ABCC8: variants seen among roughly 807,000 people sequenced by gnomAD.
The protein encoded by ABCC8 is ATP binding cassette subfamily C member 8.
Under a neutral mutation model 188.0 loss-of-function variants are expected in ABCC8, and 137 were observed. That is an observed-to-expected ratio of 0.73 (90% CI 0.63 to 0.84). The LOEUF is 0.84. ABCC8 is among the 40% of genes least tolerant of loss of function. ABCC8 has a pLI of 0.00. For synonymous variants in ABCC8, 797 were observed against 846.5 expected, an observed-to-expected ratio of 0.94 and a Z score of 1.01; for missense variants, 1,750 against 2,072.7, an observed-to-expected ratio of 0.84 and a Z score of 3.02.
At chr11:17,476,603 C>A (rs941088701) in intron 1 of ABCC8, 26 bp downstream of exon 1, 4 of 1,608,212 alleles carry the variant, frequency 2.5e-6, no homozygotes, top group Non-Finnish European at 3.4e-6. Flanking sequence ...CCGTCCCCTC[C>A]TCCGCGGCTC....
At chr11:17,448,996 A>T (rs1375109819) in intron 7 of ABCC8, among the ~76,000 whole-genome samples, 3 of 152,066 alleles carry the variant, frequency 2.0e-5, no homozygotes, top group Non-Finnish European at 4.4e-5. Flanking sequence ...GCATGATCTC[A>T]GCTCACTGCA....
chr11:17,432,463 G>A (rs1955892722), intron 10 of ABCC8: 1 of 930,490 alleles, frequency 1.1e-6, no homozygotes, highest in South Asian at 1.9e-5. Context: ...CCGACTCTGG[G>A]GCTTAAACTG....
At chr11:17,442,359 T>C (rs1239812621) in intron 10 of ABCC8, among the ~76,000 whole-genome samples, 4 of 152,194 alleles carry the variant, frequency 2.6e-5, no homozygotes, top group Non-Finnish European at 4.4e-5. Flanking sequence ...TACTAAAAAG[T>C]CTTCATTCTT....
chr11:17,471,799 C>T (rs756365901), intron 2 of ABCC8, among the ~76,000 whole-genome samples: 6 of 152,314 alleles, frequency 3.9e-5, no homozygotes, highest in Non-Finnish European at 8.8e-5. Context: ...TCCCTGAAAA[C>T]ATCAATAAGC....
rs1848186510 is a variant in ABCC8, at chr11:17,466,912, T to G, written c.412+3189A>C. Among the ~76,000 whole-genome samples, 5 of 152,126 alleles carry G rather than the reference T, an allele frequency of 3.3e-5. No individual in the cohort carries two copies. In the South Asian group the frequency reaches 1.0e-3, roughly 32 times the overall value. On this transcript the variant is annotated intron_variant, in intron 3 of 38. Coordinates refer to ENST00000389817, the MANE Select transcript of ABCC8 (RefSeq NM_000352.6). The stretch of plus-strand genomic sequence containing the variant: ...AACTTCTGAGCTCAAGCAATTCACC[T>G]GCCTTGGCCTGCCAAGGTGCTGGGA...
chr11:17,411,925 G>T (rs371222885), intron 21 of ABCC8, among the ~76,000 whole-genome samples: 16 of 142,562 alleles, frequency 1.1e-4, no homozygotes, highest in African/African-American at 4.3e-4. Context: ...ACAAAGTCTC[G>T]GTTTGTCCCC....
At position 17,402,241 on chromosome 11, in the gene ABCC8, T is replaced by G. The variant is rs544303510; in HGVS notation, c.3650+420A>C. 5.6e-4 allele frequency among the ~76,000 whole-genome samples: 86 copies of G among 152,214 alleles called. 1 individual carries two copies. The South Asian group carries it at 0.017, about 29-fold the overall frequency. On this transcript the variant is annotated intron_variant, in intron 29 of 38. Transcript: ENST00000389817. ...TTGTCTGTGCAATGGAAATGACCATTCTCAGCACCGAGGGTTGCAGTGCAG... is the reference window on the plus strand; with the variant it reads ...TTGTCTGTGCAATGGAAATGACCATGCTCAGCACCGAGGGTTGCAGTGCAG...
chr11:17,428,207 A>C, intron 14 of ABCC8, 82 bp downstream of exon 14: 1 of 1,600,466 alleles, frequency 6.2e-7, no homozygotes, highest in Non-Finnish European at 8.5e-7. Flanking sequence ...AGGACTAAGC[A>C]TGCAGCTTTC....
At chr11:17,425,010 G>C (rs1448862466) in intron 16 of ABCC8, among the ~76,000 whole-genome samples, 2 of 152,224 alleles carry the variant, frequency 1.3e-5, no homozygotes, top group Non-Finnish European at 2.9e-5. Context: ...ACTTTCTTCA[G>C]CTCACAGTGC....
intron 1 of ABCC8, 60 bp downstream of exon 1, chr11:17,476,569 G>GCCT: frequency 6.3e-7 from 1 of 1,575,836 alleles, no homozygotes; most frequent in South Asian, 1.2e-5. Flanking sequence ...GGCGCGCAGC[G>GCCT]CCTCCTCCTC....
chr11:17,475,265 T>A (rs936193761), intron 1 of ABCC8, among the ~76,000 whole-genome samples: 1 of 152,224 alleles, frequency 6.6e-6, no homozygotes, highest in Non-Finnish European at 1.5e-5. Context: ...TTGCCTCTGC[T>A]GGAGTGCAGT....
In ABCC8 at chr11:17,423,356, C is replaced by CAAAAAAA. The variant is rs58524307; in HGVS notation, c.2222+3686_2222+3692dup. ...TGGGCAACAGGGCGAGACTCCGTCTCAAAAAAAAAAAAAAAAAAAAAAAGC... is the reference window on the plus strand; with the variant it reads ...TGGGCAACAGGGCGAGACTCCGTCTCAAAAAAAAAAAAAAAAAAAAAAAAAAAAAAGC... On this transcript the variant is annotated intron_variant, in intron 16 of 38. Coordinates refer to ENST00000389817, the MANE Select transcript of ABCC8 (RefSeq NM_000352.6). 6.1e-3 allele frequency among the ~76,000 whole-genome samples: 387 copies of CAAAAAAA among 62,998 alleles called. 21 individuals carry two copies. The highest frequency in any genetic ancestry group is 8.0e-3 in the Non-Finnish European group (296 of 36,808). 41.3% of individuals were successfully genotyped at this position (62,998 alleles called of 152,430 possible).
chr11:17,470,904 T>A lies in ABCC8; in HGVS notation c.291-682A>T, dbSNP rs547091995. ...GCCAGAGCCTCCTTCCAGGCCTCAGTCTTCCCTGGGCCTGGTGAGGAGGGT... is the reference window on the plus strand; with the variant it reads ...GCCAGAGCCTCCTTCCAGGCCTCAGACTTCCCTGGGCCTGGTGAGGAGGGT... On this transcript the variant is annotated intron_variant, in intron 2 of 38. Coordinates refer to ENST00000389817, the MANE Select transcript of ABCC8 (RefSeq NM_000352.6). Among the ~76,000 whole-genome samples the A allele has an allele frequency of 2.6e-5, 4 of 152,284 alleles. No homozygotes were observed. The East Asian group carries it at 7.7e-4, about 29-fold the overall frequency.
At chr11:17,429,265 G>A (rs1219968531) in intron 12 of ABCC8, 3 of 153,966 alleles carry the variant, frequency 1.9e-5, no homozygotes, top group Admixed American at 6.4e-5. Context: ...GGGAAGCTCA[G>A]GATTGTTTGT....
At chr11:17,434,543 A>G (rs1462871303) in intron 10 of ABCC8, among the ~76,000 whole-genome samples, 1 of 152,202 alleles carries the variant, frequency 6.6e-6, no homozygotes, top group Non-Finnish European at 1.5e-5. Flanking sequence ...CCCAAACGAA[A>G]TAAACTGGAA....
At chr11:17,449,670 T>A (rs1956683567) in intron 7 of ABCC8, among the ~76,000 whole-genome samples, 1 of 152,248 alleles carries the variant, frequency 6.6e-6, no homozygotes, top group Non-Finnish European at 1.5e-5. Flanking sequence ...TTAAATGTCC[T>A]CAGGATGCCT....
intron 19 of ABCC8, among the ~76,000 whole-genome samples, chr11:17,414,131 A>G (rs1378926320): frequency 6.6e-6 from 1 of 152,204 alleles, no homozygotes; most frequent in Non-Finnish European, 1.5e-5. Flanking sequence ...AGAGCTCGGC[A>G]CTGTGCCTGG....
chr11:17,463,971 T>C (rs552907714), intron 3 of ABCC8, among the ~76,000 whole-genome samples: 1 of 152,230 alleles, frequency 6.6e-6, no homozygotes, highest in African/African-American at 2.4e-5. Flanking sequence ...CACCATAACT[T>C]TTCAAAGAAA....
At chr11:17,428,694 C>T in intron 12 of ABCC8, 24 bp from the exon 13 acceptor site, 1 of 1,609,670 alleles carries the variant, frequency 6.2e-7, no homozygotes. Context: ...ACAGAGACAC[C>T]CCTCACCCCT....
Sources: gnomAD v4.1 joint callset for allele counts (sites outside exome capture counted in the v4.1 genomes callset) on GRCh38, gnomAD v4.1.1 for gene constraint, MANE v1.5 for transcripts, NCBI Gene and HGNC (gene_info 2026-07-23, HGNC 2026-07-21) for gene names.